WDR48: variants seen among roughly 807,000 people sequenced by gnomAD.
WDR48 encodes WD repeat domain 48.
In WDR48, 22 loss-of-function variants were observed where a neutral mutation model predicts 94.0. The ratio of observed to expected loss-of-function variants is 0.23; its 90% CI spans 0.17 to 0.33. The LOEUF is 0.33. Ranked by LOEUF, WDR48 falls within the 10% of genes least tolerant of loss-of-function variation. WDR48 has a pLI of 1.00. For missense variants in WDR48, 541 were observed against 813.8 expected (o/e 0.66, Z 4.08); for synonymous variants, 278 against 280.5 (o/e 0.99, Z 0.09).
rs746204759 is a variant in WDR48 at position 39,084,756 on chromosome 3, C to G, written c.1378+15C>G. On this transcript the variant is annotated intron_variant, in intron 13 of 18. Coordinates refer to ENST00000302313, the MANE Select transcript of WDR48 (RefSeq NM_020839.4). ...AGATCCAAAATGTGAGTTTAAGTGT[C>G]CTTCATTTTTTTCCTCCCTTCTAAA... 1.9e-6 allele frequency: 3 copies of G among 1,606,778 alleles called. No homozygotes were observed. The highest frequency in any genetic ancestry group is 2.6e-6 in the Non-Finnish European group (3 of 1,176,006).
intron 1 of WDR48, among the ~76,000 whole-genome samples, chr3:39,058,144 T>A (rs947419596): frequency 6.6e-6 from 1 of 152,104 alleles, no homozygotes; most frequent in African/African-American, 2.4e-5. Context: ...GTTGCCCAGG[T>A]TGTAGTACAG....
intron 1 of WDR48, among the ~76,000 whole-genome samples, chr3:39,054,006 T>G (rs763049777): frequency 6.6e-6 from 1 of 152,224 alleles, no homozygotes; most frequent in Non-Finnish European, 1.5e-5. Flanking sequence ...GAAGAACTTT[T>G]GAAAGAGCTG....
intron 11 of WDR48, among the ~76,000 whole-genome samples, chr3:39,083,876 C>T (rs2034661222): frequency 6.6e-6 from 1 of 152,046 alleles, no homozygotes; most frequent in African/African-American, 2.4e-5. Flanking sequence ...CTGGGACCCT[C>T]GAAAGAGCCA....
At chr3:39,055,213 G>A (rs1575384085) in intron 1 of WDR48, among the ~76,000 whole-genome samples, 1 of 152,196 alleles carries the variant, frequency 6.6e-6, no homozygotes, top group East Asian at 1.9e-4. Context: ...GAGGCCAGGC[G>A]TGGTGGCTCA....
In WDR48 at chr3:39,058,097, A is replaced by G. The variant is rs563339419; in HGVS notation, c.49-4953A>G. The stretch of plus-strand genomic sequence containing the variant: ...TGTTTATCAGTCTAGACCTCCATCA[A>G]CTCTTTCTTATTCTTTAGAAACAGG... On this transcript the variant is annotated intron_variant, in intron 1 of 18. Coordinates refer to ENST00000302313, the MANE Select transcript of WDR48 (RefSeq NM_020839.4). Among the ~76,000 whole-genome samples, 11 of 152,078 alleles carry G rather than the reference A, an allele frequency of 7.2e-5. No individual in the cohort carries two copies. The South Asian group carries it at 1.7e-3, about 23-fold the overall frequency.
chr3:39,054,892 G>A (rs1234012235), intron 1 of WDR48, among the ~76,000 whole-genome samples: 1 of 152,200 alleles, frequency 6.6e-6, no homozygotes, highest in Non-Finnish European at 1.5e-5. Flanking sequence ...CATTTTAAAA[G>A]TCAGGAAGGG....
At position 39,094,606 on chromosome 3, in the gene WDR48, T is replaced by C. The variant is rs369602622; in HGVS notation, c.1939-42T>C. 10 of 1,612,292 alleles carry C rather than the reference T, an allele frequency of 6.2e-6. No individual in the cohort carries two copies. In the African/African-American group the frequency reaches 1.2e-4, roughly 19 times the overall value. ...TGAGTTAATGATAAGGTTTTAGATATTAGAGACTTTGAAATTTTTAAATTT... is the reference window on the plus strand; with the variant it reads ...TGAGTTAATGATAAGGTTTTAGATACTAGAGACTTTGAAATTTTTAAATTT... On this transcript the variant is annotated intron_variant, in intron 18 of 18. Transcript: ENST00000302313.
chr3:39,095,501 C>T lies in WDR48; in HGVS notation c.*758C>T, dbSNP rs532319477. 6.6e-6 allele frequency: 1 copy of T among 152,310 alleles called. No individual in the cohort carries two copies. Among genetic ancestry groups the T allele is most frequent in the African/African-American group, 2.4e-5 (1 of 41,564 alleles). The allele number at this position is 152,310 out of a possible 1,614,324, so 9.4% of individuals were successfully genotyped here. On this transcript the variant is annotated 3_prime_UTR_variant, in exon 19 of 19. Transcript: ENST00000302313. ...GGGAGGTGCAGCAGTTTCACTCCTT[C>T]CTCCACTGTGTCCAGTTTTATTTAC...
intron 1 of WDR48, among the ~76,000 whole-genome samples, chr3:39,053,537 C>G (rs2032632759): frequency 6.6e-6 from 1 of 152,170 alleles, no homozygotes; most frequent in Non-Finnish European, 1.5e-5. Flanking sequence ...GTGAGAATGT[C>G]TCCTTGGGAC....
intron 15 of WDR48, among the ~76,000 whole-genome samples, chr3:39,088,927 G>A (rs1283508770): frequency 1.3e-5 from 2 of 152,192 alleles, no homozygotes; most frequent in Admixed American, 6.5e-5. Context: ...CATGCACTGT[G>A]GCACTAGCTG....
At chr3:39,068,646 T>G (rs1210133744) in intron 5 of WDR48, 125 bp from the exon 6 acceptor site, 2 of 606,304 alleles carry the variant, frequency 3.3e-6, no homozygotes, top group Non-Finnish European at 5.9e-6. Context: ...TATAGGTAGA[T>G]TTCTTTTCCG....
At chr3:39,091,453 G>GA in intron 16 of WDR48, 172 bp from the exon 17 acceptor site, 1 of 502,406 alleles carries the variant, frequency 2.0e-6, no homozygotes, top group Non-Finnish European at 3.5e-6. Flanking sequence ...TTTTTCTGAT[G>GA]AATTTTCTCG....
At chr3:39,087,305 C>G (rs931204776) in intron 14 of WDR48, among the ~76,000 whole-genome samples, 3 of 152,166 alleles carry the variant, frequency 2.0e-5, no homozygotes, top group African/African-American at 7.2e-5. Context: ...CTTTGGGAGG[C>G]CTCTAATATT....
rs1293548650 is a variant in WDR48, at chr3:39,088,150, A to G, written c.1497A>G (p.Arg499=). The part of the protein sequence containing the change: ...VNHVNGEQEN[R]VQKGNGYFQV... ...TAGTAAATGGGGAGCAGGAGAACCG[A>G]GTGCAGAAGGGAAATGGATATTTTC... The change falls in exon 15 of 19, where the codon CGA becomes CGG. Residue 499 remains arginine (R), a synonymous_variant. Transcript: ENST00000302313. 2 of 1,614,108 alleles carry G rather than the reference A, an allele frequency of 1.2e-6. No homozygotes were observed. Among genetic ancestry groups the G allele is most frequent in the Admixed American group, 3.3e-5 (2 of 60,010 alleles).
chr3:39,077,557 G>A (rs920342284), intron 9 of WDR48, among the ~76,000 whole-genome samples: 3 of 152,182 alleles, frequency 2.0e-5, no homozygotes, highest in Non-Finnish European at 4.4e-5. Context: ...CAACAAGGCA[G>A]GGAAACTCAC....
chr3:39,062,933 A>T, intron 1 of WDR48, 117 bp from the exon 2 acceptor site: 1 of 1,341,108 alleles, frequency 7.5e-7, no homozygotes. Flanking sequence ...TATTGGGTTG[A>T]AAAAGTACAT....
At chr3:39,086,717 TG>T (rs1379016162) in intron 14 of WDR48, among the ~76,000 whole-genome samples, 4 of 152,152 alleles carry the variant, frequency 2.6e-5, no homozygotes, top group African/African-American at 9.7e-5. Context: ...TCCAGTTAGA[TG>T]GGATACTCTC....
At position 39,079,926 on chromosome 3, in the gene WDR48, GGGT is replaced by G. The variant is rs1177915994; in HGVS notation, c.1173+122_1173+124del. 7.6e-6 allele frequency: 4 copies of G among 523,304 alleles called. No homozygotes were observed. In the African/African-American group the frequency reaches 8.1e-5, roughly 11 times the overall value. The allele number at this position is 523,304 out of a possible 1,614,324, so 32.4% of individuals were successfully genotyped here. Reference sequence around the variant, plus strand: ...GATGTAATTGCAGTAATACTTTATGGGGTGGTATATACTTTCTTATATGAATAT... The same window carrying G: ...GATGTAATTGCAGTAATACTTTATGGGGTATATACTTTCTTATATGAATAT... On this transcript the variant is annotated intron_variant, in intron 11 of 18. Coordinates refer to ENST00000302313, the MANE Select transcript of WDR48 (RefSeq NM_020839.4).
Position 39,084,212 on chromosome 3 carries a change from T to C in WDR48, c.1231T>C (p.Phe411Leu), listed in dbSNP as rs1363536635. 6.2e-7 allele frequency: 1 copy of C among 1,612,892 alleles called. No homozygotes were observed. The highest frequency in any genetic ancestry group is 2.2e-5 in the East Asian group (1 of 44,746). Residue 411 changes from phenylalanine to leucine, a missense_variant, in exon 12 of 19, where the codon TTT (phenylalanine) becomes CTT (leucine). By Grantham distance (22) the Phe-to-Leu change is conservative. Coordinates refer to ENST00000302313, the MANE Select transcript of WDR48 (RefSeq NM_020839.4). ...VDFEDEIKKR[F>L]KMVYVPNWFS... ...TTTTGAAGATGAAATTAAGAAAAGA[T>C]TTAAAATGGTGTATGTGCCAAATTG...
Sources: gnomAD v4.1 joint callset for allele counts (sites outside exome capture counted in the v4.1 genomes callset) on GRCh38, gnomAD v4.1.1 for gene constraint, MANE v1.5 for transcripts, NCBI Gene and HGNC (gene_info 2026-07-23, HGNC 2026-07-21) for gene names.